The following MGAT4C variants were observed in gnomAD, a reference collection of about 807,000 sequenced individuals.
MGAT4C encodes MGAT4 family member C, also known as alpha-1,3-mannosyl-glycoprotein 4-beta-N-acetylglucosaminyltransferase C.
In MGAT4C, 19 loss-of-function variants were observed where a neutral mutation model predicts 40.1. That is an observed-to-expected ratio of 0.47 (90% confidence interval 0.33 to 0.70). The LOEUF (loss-of-function observed/expected upper bound fraction) is 0.70. Ranked by LOEUF, MGAT4C falls within the 30% of genes least tolerant of loss-of-function variation. The probability of loss-of-function intolerance (pLI) is 0.02; values close to 1 mark genes in which losing one functional copy is unlikely to be tolerated. For synonymous variants in MGAT4C, 181 were observed against 187.1 expected, an observed-to-expected ratio of 0.97 and a Z score of 0.27; for missense variants, 491 against 563.2, an observed-to-expected ratio of 0.87 and a Z score of 1.30.
intron 4 of MGAT4C, among the ~76,000 whole-genome samples, chr12:86,327,817 G>C (rs757205272): frequency 6.6e-6 from 1 of 151,978 alleles, no homozygotes; most frequent in Admixed American, 6.6e-5. Flanking sequence ...TTGCACAAAA[G>C]GTATCTTTGC....
At chr12:86,004,269 G>A (rs1005087119) in intron 2 of MGAT4C, among the ~76,000 whole-genome samples, 6 of 151,996 alleles carry the variant, frequency 3.9e-5, no homozygotes, top group African/African-American at 1.2e-4. Flanking sequence ...ACATTATTAG[G>A]TATTTTAGAA....
chr12:86,359,227 A>C (rs543880650), intron 3 of MGAT4C, among the ~76,000 whole-genome samples: 1 of 152,318 alleles, frequency 6.6e-6, no homozygotes, highest in South Asian at 2.1e-4. Context: ...CTGAAGGACT[A>C]CTGGGTACCT....
chr12:86,609,154 G>A (rs899940052), intron 2 of MGAT4C, among the ~76,000 whole-genome samples: 14 of 152,080 alleles, frequency 9.2e-5, no homozygotes, highest in Non-Finnish European at 4.4e-5. Flanking sequence ...TATGTGACAA[G>A]AATACAGCAT....
intron 3 of MGAT4C, among the ~76,000 whole-genome samples, chr12:86,421,714 T>G (rs1956830256): frequency 6.6e-6 from 1 of 152,042 alleles, no homozygotes; most frequent in Non-Finnish European, 1.5e-5. Context: ...GAGGCGGAAA[T>G]TGCAGTGAGC....
At chr12:86,674,940 T>A (rs1323695615) in intron 2 of MGAT4C, among the ~76,000 whole-genome samples, 1 of 152,202 alleles carries the variant, frequency 6.6e-6, no homozygotes, top group African/African-American at 2.4e-5. Flanking sequence ...CTTTGCATTC[T>A]TTTTAGGACA....
At chr12:86,392,078 T>C (rs1157903885) in intron 3 of MGAT4C, among the ~76,000 whole-genome samples, 1 of 152,168 alleles carries the variant, frequency 6.6e-6, no homozygotes, top group Non-Finnish European at 1.5e-5. Context: ...GTAATTTAAT[T>C]GTTATGATTA....
intron 2 of MGAT4C, among the ~76,000 whole-genome samples, chr12:86,454,687 G>C (rs1196788479): frequency 1.3e-5 from 2 of 152,040 alleles, no homozygotes; most frequent in African/African-American, 4.8e-5. Flanking sequence ...AATACCTACT[G>C]GTTTGGGCAC....
intron 1 of MGAT4C, among the ~76,000 whole-genome samples, chr12:86,088,082 C>A (rs963874544): frequency 1.3e-5 from 2 of 151,922 alleles, no homozygotes; most frequent in Admixed American, 1.3e-4. Flanking sequence ...CAAATACCTA[C>A]AAACATCTGT....
intron 1 of MGAT4C, among the ~76,000 whole-genome samples, chr12:86,210,823 T>A (rs839167): frequency 0.021 from 3,260 of 152,236 alleles, 100 homozygotes; most frequent in African/African-American, 0.074. Flanking sequence ...TCTCTCAGGA[T>A]AATAGTGTTA....
intron 1 of MGAT4C, among the ~76,000 whole-genome samples, chr12:86,155,177 T>C (rs1234270948): frequency 6.6e-6 from 1 of 152,176 alleles, no homozygotes; most frequent in Non-Finnish European, 1.5e-5. Context: ...AAAATATCAA[T>C]GTGGCTGTAG....
chr12:86,352,933 G>T (rs1955202163), intron 3 of MGAT4C, among the ~76,000 whole-genome samples: 1 of 150,776 alleles, frequency 6.6e-6, no homozygotes, highest in Non-Finnish European at 1.5e-5. Context: ...CGAGTTAATG[G>T]GTGCAGCATA....
chr12:86,182,349 C>G (rs1888218782), intron 1 of MGAT4C, among the ~76,000 whole-genome samples: 1 of 152,048 alleles, frequency 6.6e-6, no homozygotes, highest in African/African-American at 2.4e-5. Flanking sequence ...TTGTGATTAA[C>G]AACTTTCTTA....
At chr12:86,129,118 G>A (rs1042455153) in intron 1 of MGAT4C, among the ~76,000 whole-genome samples, 2 of 152,002 alleles carry the variant, frequency 1.3e-5, no homozygotes, top group East Asian at 1.9e-4. Flanking sequence ...GAGACTGAGG[G>A]GTTGAGGAGG....
At chr12:86,245,083 TA>T (rs1951966632) in intron 1 of MGAT4C, among the ~76,000 whole-genome samples, 7 of 152,218 alleles carry the variant, frequency 4.6e-5, no homozygotes, top group African/African-American at 1.7e-4. Context: ...AACTGACTCC[TA>T]AGCCCACACT....
chr12:86,230,195 A>T (rs2471561), intron 1 of MGAT4C, among the ~76,000 whole-genome samples: 124,534 of 151,968 alleles, frequency 0.82, 51,160 homozygotes, highest in East Asian at 0.95. Context: ...CACTTGTTAC[A>T]AAGTAGTTGT....
At chr12:86,523,710 G>T (rs1344634569) in intron 2 of MGAT4C, among the ~76,000 whole-genome samples, 1 of 152,060 alleles carries the variant, frequency 6.6e-6, no homozygotes, top group Non-Finnish European at 1.5e-5. Flanking sequence ...CTATTATTGT[G>T]CAGGAGTTTA....
At chr12:86,637,951 T>C (rs1963270304) in intron 2 of MGAT4C, among the ~76,000 whole-genome samples, 1 of 151,944 alleles carries the variant, frequency 6.6e-6, no homozygotes, top group Admixed American at 6.6e-5. Context: ...TTTTATACTA[T>C]TTGTGCATGA....
At chr12:86,426,640 C>G (rs1327820978) in intron 3 of MGAT4C, among the ~76,000 whole-genome samples, 1 of 152,032 alleles carries the variant, frequency 6.6e-6, no homozygotes, top group Non-Finnish European at 1.5e-5. Flanking sequence ...AAAGACATGA[C>G]TACAAGTTCA....
intron 4 of MGAT4C, among the ~76,000 whole-genome samples, chr12:86,332,403 A>G (rs932963487): frequency 4.6e-5 from 7 of 151,286 alleles, no homozygotes; most frequent in African/African-American, 1.5e-4. Flanking sequence ...TTTTTTTGGT[A>G]TTTGCCAAGT....
Sources: allele counts gnomAD v4.1 joint callset (sites outside exome capture counted in the v4.1 genomes callset), GRCh38; gene constraint gnomAD v4.1.1; transcripts MANE v1.5; gene names NCBI Gene and HGNC (gene_info 2026-07-23, HGNC 2026-07-21).